The following ANKFN1 variants were observed in gnomAD, a reference collection of about 807,000 sequenced individuals.
The protein encoded by ANKFN1 is ankyrin repeat and fibronectin type-III domain-containing protein 1.
In ANKFN1, 74 loss-of-function variants were observed where a neutral mutation model predicts 108.7. The observed-to-expected ratio is 0.68, with a 90% CI of 0.56 to 0.83. The LOEUF (loss-of-function observed/expected upper bound fraction) is 0.83, where lower values mean the gene tolerates loss of function less well. ANKFN1 is among the 40% of genes least tolerant of loss of function. The probability of loss-of-function intolerance (pLI) is 0.00; values close to 1 mark genes in which losing one functional copy is unlikely to be tolerated. For missense variants in ANKFN1, 1,505 were observed against 1,382.3 expected, an observed-to-expected ratio of 1.09 and a Z score of -1.41; for synonymous variants, 547 against 516.2, an observed-to-expected ratio of 1.06 and a Z score of -0.81.
At chr17:56,108,322 C>T (rs146177606) in intron 4 of ANKFN1, among the ~76,000 whole-genome samples, 3 of 152,314 alleles carry the variant, frequency 2.0e-5, no homozygotes, top group African/African-American at 4.8e-5. Context: ...GTGTGAGCCA[C>T]GGCGCCTGGC....
chr17:56,492,454 A>C, intron 19 of ANKFN1, 101 bp downstream of exon 19: 1 of 624,238 alleles, frequency 1.6e-6, no homozygotes, highest in Non-Finnish European at 2.9e-6. Flanking sequence ...AGGCTGATTC[A>C]AAGAACACGG....
chr17:56,124,791 G>A (rs1249231165), intron 4 of ANKFN1, among the ~76,000 whole-genome samples: 1 of 152,152 alleles, frequency 6.6e-6, no homozygotes, highest in Non-Finnish European at 1.5e-5. Context: ...TTATTCATTT[G>A]CCATTACCAA....
intron 4 of ANKFN1, chr17:56,046,375 A>AG (rs1904678228): frequency 6.6e-6 from 1 of 152,540 alleles, no homozygotes; most frequent in Non-Finnish European, 1.5e-5. Context: ...AATGCTGGGG[A>AG]GGGGTCTCGG....
chr17:56,288,416 A>G (rs1157641392), intron 3 of ANKFN1, among the ~76,000 whole-genome samples: 2 of 150,472 alleles, frequency 1.3e-5, no homozygotes, highest in African/African-American at 4.9e-5. Flanking sequence ...AGGAGTATAT[A>G]TTTTCTTTTA....
At position 56,510,882 on chromosome 17, in the gene ANKFN1, G is replaced by T. The variant is rs1259878752; in HGVS notation, c.3054G>T (p.Leu1018Phe). The change falls in exon 21 of 21, where the codon TTG (leucine) becomes TTT (phenylalanine). Residue 1018 changes from leucine to phenylalanine, a missense_variant. By Grantham distance (22) the Leu-to-Phe change is conservative (BLOSUM62 0). Coordinates refer to ENST00000682825, the MANE Select transcript of ANKFN1 (RefSeq NM_001370326.1). Reference sequence around the variant, plus strand: ...GCTTCAGCCGCCATCATCGCTGGTTGCGCATCCACAGCGAGACCCAGTCGC... The same window carrying T: ...GCTTCAGCCGCCATCATCGCTGGTTTCGCATCCACAGCGAGACCCAGTCGC... ...YGGFSRHHRW[L>F]RIHSETQSLS... The T allele has an allele frequency of 3.3e-6, 5 of 1,536,172 alleles. No homozygotes were observed. The highest frequency in any genetic ancestry group is 3.5e-6 in the Non-Finnish European group (4 of 1,146,910).
chr17:56,210,720 A>T (rs1378284732), intron 1 of ANKFN1, among the ~76,000 whole-genome samples: 1 of 152,190 alleles, frequency 6.6e-6, no homozygotes, highest in Non-Finnish European at 1.5e-5. Flanking sequence ...ATGTCTGGAG[A>T]GGCCTCAGGA....
chr17:56,049,015 T>G (rs2143067642), intron 4 of ANKFN1, among the ~76,000 whole-genome samples: 1 of 152,362 alleles, frequency 6.6e-6, no homozygotes, highest in Middle Eastern at 3.4e-3. Context: ...TGTGCTTTAG[T>G]GATGGAGGCC....
upstream of ANKFN1, among the ~76,000 whole-genome samples, chr17:56,149,675 T>G (rs1908478736): frequency 6.6e-6 from 1 of 152,282 alleles, no homozygotes; most frequent in Non-Finnish European, 1.5e-5. Context: ...CCTCCCCAGA[T>G]GAGAAGCCTT....
chr17:56,046,143 G>A (rs1395222896), exon 4 of ANKFN1: 1 of 152,300 alleles, frequency 6.6e-6, no homozygotes, highest in African/African-American at 2.4e-5. Context: ...CACGGATAAT[G>A]ACATAAACGA....
At position 56,391,825 on chromosome 17, in the gene ANKFN1, G is replaced by A. The variant is rs533572583; in HGVS notation, c.910+17111G>A. On this transcript the variant is annotated intron_variant, in intron 8 of 20. Coordinates refer to ENST00000682825, the MANE Select transcript of ANKFN1 (RefSeq NM_001370326.1). ...TAATATCTATCCCTCCCACCAGGCT[G>A]TAAGTCTCATGTAAGCCATAATGTT... Among the ~76,000 whole-genome samples, 11 of 152,296 alleles carry A rather than the reference G, an allele frequency of 7.2e-5. No homozygotes were observed. The South Asian group carries it at 1.7e-3, about 23-fold the overall frequency.
chr17:56,343,365 G>C (rs1447078789), intron 4 of ANKFN1, among the ~76,000 whole-genome samples: 4 of 151,754 alleles, frequency 2.6e-5, no homozygotes, highest in Admixed American at 2.6e-4. Flanking sequence ...TAGTTTTGTT[G>C]GGTAGAGAAA....
At chr17:56,368,275 A>ATTTTTTTTTTTT (rs1396505310) in intron 6 of ANKFN1, 23 of 31,468 alleles carry the variant, frequency 7.3e-4, no homozygotes, top group South Asian at 2.3e-3. Flanking sequence ...CTGAAAATGA[A>ATTTTTTTTTTTT]CTTTTTTTTT....
chr17:56,163,407 T>C (rs1909863813), intron 1 of ANKFN1, among the ~76,000 whole-genome samples: 1 of 152,228 alleles, frequency 6.6e-6, no homozygotes, highest in Admixed American at 6.5e-5. Flanking sequence ...AATAGTCATG[T>C]AGCGGTGCAG....
At chr17:56,350,407 C>T (rs2046215223) in intron 4 of ANKFN1, among the ~76,000 whole-genome samples, 1 of 152,128 alleles carries the variant, frequency 6.6e-6, no homozygotes, top group African/African-American at 2.4e-5. Flanking sequence ...AGGAATTGAA[C>T]AGACCCCCTA....
intron 6 of ANKFN1, among the ~76,000 whole-genome samples, chr17:56,356,905 G>A (rs1346017775): frequency 1.3e-5 from 2 of 152,042 alleles, no homozygotes; most frequent in African/African-American, 2.4e-5. Context: ...ACTTACCTGC[G>A]ACACTACAAA....
At chr17:56,468,817 A>T (rs1179467579) in intron 15 of ANKFN1, among the ~76,000 whole-genome samples, 1 of 152,206 alleles carries the variant, frequency 6.6e-6, no homozygotes, top group Non-Finnish European at 1.5e-5. Context: ...GAATTGACAG[A>T]GAGTATGTGC....
At chr17:56,300,611 A>T (rs982274852) in intron 3 of ANKFN1, among the ~76,000 whole-genome samples, 13 of 150,654 alleles carry the variant, frequency 8.6e-5, no homozygotes, top group Non-Finnish European at 1.5e-5. Context: ...TTTTTTAAAG[A>T]AAACGAATTG....
intron 10 of ANKFN1, among the ~76,000 whole-genome samples, chr17:56,443,642 A>C (rs956262284): frequency 5.3e-5 from 8 of 152,238 alleles, no homozygotes; most frequent in African/African-American, 1.9e-4. Context: ...GCATTCTGCT[A>C]CAAACCCACA....
chr17:56,313,165 G>T (rs201212623), intron 3 of ANKFN1, among the ~76,000 whole-genome samples: 3 of 141,914 alleles, frequency 2.1e-5, no homozygotes, highest in African/African-American at 7.7e-5. Context: ...AAAAAAAAAA[G>T]AAAAAAAAAC....
Sources: allele counts gnomAD v4.1 joint callset (sites outside exome capture counted in the v4.1 genomes callset), GRCh38; gene constraint gnomAD v4.1.1; transcripts MANE v1.5; gene names NCBI Gene and HGNC (gene_info 2026-07-23, HGNC 2026-07-21).